The following ATXN8OS variants were observed in gnomAD, a reference collection of about 807,000 sequenced individuals.
ATXN8OS encodes the protein ATXN8 opposite strand (non-protein coding).
At chr13:70,136,601 C>T (rs1419216193) in intron 3 of ATXN8OS, among the ~76,000 whole-genome samples, 1 of 152,066 alleles carries the variant, frequency 6.6e-6, no homozygotes, top group Non-Finnish European at 1.5e-5. Flanking sequence ...AGGAAATCAT[C>T]AAGACCGCTA....
At chr13:70,149,902 A>T (rs1888840647) in intron 4 of ATXN8OS, among the ~76,000 whole-genome samples, 1 of 152,152 alleles carries the variant, frequency 6.6e-6, no homozygotes, top group African/African-American at 2.4e-5. Context: ...TGTCAGTTAA[A>T]AAAAGAAATT....
intron 3 of ATXN8OS, among the ~76,000 whole-genome samples, chr13:70,146,570 A>C (rs1163670091): frequency 6.6e-6 from 1 of 152,174 alleles, no homozygotes; most frequent in Non-Finnish European, 1.5e-5. Flanking sequence ...TACACCAGGG[A>C]ATACTATGCA....
At chr13:70,140,911 A>T (rs1305421612) in intron 3 of ATXN8OS, among the ~76,000 whole-genome samples, 1 of 152,188 alleles carries the variant, frequency 6.6e-6, no homozygotes, top group Non-Finnish European at 1.5e-5. Flanking sequence ...AGACAAGGCT[A>T]TCTACGATGG....
chr13:70,155,239 A>T (rs1459438395), intron 4 of ATXN8OS, among the ~76,000 whole-genome samples: 1 of 152,150 alleles, frequency 6.6e-6, no homozygotes, highest in Non-Finnish European at 1.5e-5. Context: ...TGATACAAAC[A>T]TGTTCCTTGT....
chr13:70,140,065 A>T (rs1341360874), intron 3 of ATXN8OS, among the ~76,000 whole-genome samples: 1 of 152,176 alleles, frequency 6.6e-6, no homozygotes, highest in Non-Finnish European at 1.5e-5. Flanking sequence ...TTCATAAAAA[A>T]TTCTCTGACT....
At chr13:70,141,266 T>C (rs920314601) in intron 3 of ATXN8OS, among the ~76,000 whole-genome samples, 4 of 152,182 alleles carry the variant, frequency 2.6e-5, no homozygotes, top group Non-Finnish European at 5.9e-5. Flanking sequence ...CCTGGAAATA[T>C]GTTGTAATAA....
intron 1 of ATXN8OS, among the ~76,000 whole-genome samples, chr13:70,113,701 A>G (rs1395793369): frequency 1.3e-5 from 2 of 152,168 alleles, no homozygotes; most frequent in Non-Finnish European, 2.9e-5. Context: ...CTTTTGAGAC[A>G]TGGGTTTTTG....
chr13:70,124,655 T>A (rs1309211202), intron 2 of ATXN8OS, among the ~76,000 whole-genome samples: 2 of 152,086 alleles, frequency 1.3e-5, no homozygotes, highest in African/African-American at 4.8e-5. Flanking sequence ...TAGCACTCAA[T>A]CCCCTTGTTT....
intron 1 of ATXN8OS, among the ~76,000 whole-genome samples, chr13:70,112,416 T>C (rs1271265012): frequency 2.0e-5 from 3 of 152,182 alleles, no homozygotes; most frequent in Admixed American, 6.5e-5. Context: ...TGACTTTTTT[T>C]CCCAAAATGA....
chr13:70,167,695 G>A (rs966480118), intron 4 of ATXN8OS, among the ~76,000 whole-genome samples: 10 of 137,322 alleles, frequency 7.3e-5, no homozygotes, highest in South Asian at 2.3e-4. Context: ...CAGAAAGAGC[G>A]AAAATACTAT....
chr13:70,111,725 T>C (rs1291942779), intron 1 of ATXN8OS, among the ~76,000 whole-genome samples: 1 of 152,170 alleles, frequency 6.6e-6, no homozygotes, highest in African/African-American at 2.4e-5. Context: ...CACAATTAAA[T>C]GTATACTTTT....
At chr13:70,133,286 G>A (rs1245839238) in intron 3 of ATXN8OS, among the ~76,000 whole-genome samples, 3 of 152,142 alleles carry the variant, frequency 2.0e-5, no homozygotes, top group South Asian at 4.1e-4. Flanking sequence ...CAGATGTGAT[G>A]GTGTGCGCCT....
chr13:70,159,850 A>G (rs1878594346), intron 4 of ATXN8OS, among the ~76,000 whole-genome samples: 1 of 152,214 alleles, frequency 6.6e-6, no homozygotes, highest in Non-Finnish European at 1.5e-5. Context: ...CATTCACAAC[A>G]TTGCATGTAT....
rs577253844 is a variant in ATXN8OS, at chr13:70,152,578, A to T, written n.573+5150A>T. On this transcript the variant is annotated intron_variant and non_coding_transcript_variant, in intron 4 of 4. Coordinates refer to ENST00000678624, the Ensembl canonical transcript of ATXN8OS. ...CACCATTGATTTAGGGCTTTTTTTC[A>T]CTTAATTCATCATGCATGATGCCCC... is the stretch of plus-strand genomic sequence containing the variant. Among the ~76,000 whole-genome samples, 10 of 151,676 alleles carry T rather than the reference A, an allele frequency of 6.6e-5. No individual in the cohort carries two copies. In the East Asian group the frequency reaches 1.8e-3, roughly 27 times the overall value.
chr13:70,150,362 G>A (rs1214189327), intron 4 of ATXN8OS, among the ~76,000 whole-genome samples: 1 of 151,964 alleles, frequency 6.6e-6, no homozygotes, highest in African/African-American at 2.4e-5. Flanking sequence ...GATGAGCTTG[G>A]GTTTGAACAA....
intron 1 of ATXN8OS, among the ~76,000 whole-genome samples, chr13:70,108,915 AG>A (rs1386042067): frequency 9.2e-5 from 14 of 152,208 alleles, no homozygotes; most frequent in Admixed American, 7.2e-4. Context: ...TAAGGCACCC[AG>A]GCACTGCTTC....
intron 4 of ATXN8OS, among the ~76,000 whole-genome samples, chr13:70,155,797 C>T (rs1262502886): frequency 7.3e-6 from 1 of 137,500 alleles, no homozygotes. Context: ...AAAACTGAGA[C>T]AAAAAAAAAA....
intron 1 of ATXN8OS, among the ~76,000 whole-genome samples, chr13:70,110,920 A>G (rs940342131): frequency 1.2e-4 from 19 of 152,198 alleles, no homozygotes; most frequent in African/African-American, 3.6e-4. Context: ...AGACATTGAC[A>G]TAATAAAGAC....
intron 3 of ATXN8OS, among the ~76,000 whole-genome samples, chr13:70,136,765 T>C (rs557833315): frequency 3.9e-5 from 6 of 152,288 alleles, no homozygotes; most frequent in Non-Finnish European, 8.8e-5. Flanking sequence ...TAATATATAC[T>C]TAAACAAATT....
Sources: gnomAD v4.1 joint callset for allele counts (sites outside exome capture counted in the v4.1 genomes callset) on GRCh38, gnomAD v4.1.1 for gene constraint, MANE v1.5 for transcripts, NCBI Gene and HGNC (gene_info 2026-07-23, HGNC 2026-07-21) for gene names.